The following CDKAL1 variants were observed in gnomAD, a reference collection of about 807,000 sequenced individuals.
The protein encoded by CDKAL1 is CDKAL1 threonylcarbamoyladenosine tRNA methylthiotransferase.
Under a neutral mutation model 68.2 loss-of-function variants are expected in CDKAL1, and 32 were observed. The ratio of observed to expected loss-of-function variants is 0.47; its 90% CI spans 0.35 to 0.63. CDKAL1 has a LOEUF of 0.63. Among genes scored for constraint, CDKAL1 ranks in the 30% least tolerant of loss-of-function variants. The pLI is 0.00. For missense variants in CDKAL1, 606 were observed against 696.7 expected (o/e 0.87, Z 1.47); for synonymous variants, 234 against 244.3 (o/e 0.96, Z 0.39).
chr6:21,224,659 C>A (rs1442541810), intron 15 of CDKAL1, among the ~76,000 whole-genome samples: 2 of 152,172 alleles, frequency 1.3e-5, no homozygotes, highest in African/African-American at 4.8e-5. Context: ...TCCCTGGAGC[C>A]TCCAGAAGAA....
chr6:20,535,816 T>A (rs1763144779), intron 2 of CDKAL1, among the ~76,000 whole-genome samples: 1 of 152,204 alleles, frequency 6.6e-6, no homozygotes, highest in South Asian at 2.1e-4. Flanking sequence ...AACAGTTATT[T>A]GTCTTTTTGA....
At chr6:20,880,215 A>C (rs993276211) in intron 9 of CDKAL1, among the ~76,000 whole-genome samples, 1 of 152,010 alleles carries the variant, frequency 6.6e-6, no homozygotes, top group Non-Finnish European at 1.5e-5. Context: ...TAAGCTCTAC[A>C]TAGCTGGTAT....
chr6:20,773,410 G>T (rs1327175603), intron 7 of CDKAL1, among the ~76,000 whole-genome samples: 1 of 152,036 alleles, frequency 6.6e-6, no homozygotes. Flanking sequence ...CACTTAAAGT[G>T]GTAACTATGG....
intron 4 of CDKAL1, among the ~76,000 whole-genome samples, chr6:20,637,571 C>A (rs1356388130): frequency 6.6e-6 from 1 of 151,934 alleles, no homozygotes; most frequent in Non-Finnish European, 1.5e-5. Context: ...TCAACAACAA[C>A]AAAAAAGAAA....
intron 9 of CDKAL1, among the ~76,000 whole-genome samples, chr6:20,905,857 G>A (rs188509821): frequency 4.0e-5 from 6 of 148,608 alleles, no homozygotes; most frequent in Admixed American, 3.4e-4. Context: ...TAACGAAACT[G>A]TTCTTCATGA....
chr6:21,023,297 G>A (rs562424436), intron 11 of CDKAL1, among the ~76,000 whole-genome samples: 286 of 152,228 alleles, frequency 1.9e-3, no homozygotes, highest in Non-Finnish European at 3.2e-3. Context: ...TGTTTCAGCA[G>A]GTCAGATTTA....
intron 9 of CDKAL1, among the ~76,000 whole-genome samples, chr6:20,888,158 A>G (rs1395796357): frequency 6.6e-6 from 1 of 150,952 alleles, no homozygotes; most frequent in Non-Finnish European, 1.5e-5. Context: ...CTGGTGTGTG[A>G]TGTTCCCAGC....
chr6:20,931,420 G>A (rs893587789), intron 9 of CDKAL1, among the ~76,000 whole-genome samples: 4 of 152,104 alleles, frequency 2.6e-5, no homozygotes, highest in Admixed American at 1.3e-4. Context: ...TGTCCTCATC[G>A]TCATTGCCTG....
intron 7 of CDKAL1, among the ~76,000 whole-genome samples, chr6:20,760,000 A>G (rs1205846269): frequency 6.6e-6 from 1 of 152,126 alleles, no homozygotes; most frequent in Non-Finnish European, 1.5e-5. Flanking sequence ...GGTGTCTACT[A>G]CTTTCCACAT....
intron 8 of CDKAL1, among the ~76,000 whole-genome samples, chr6:20,811,406 C>G (rs1465942460): frequency 1.3e-5 from 2 of 152,216 alleles, no homozygotes; most frequent in South Asian, 2.1e-4. Flanking sequence ...AATGTTAACC[C>G]TTTACTCACC....
chr6:21,114,247 C>CAAA (rs55859447), intron 13 of CDKAL1, among the ~76,000 whole-genome samples: 6 of 101,670 alleles, frequency 5.9e-5, no homozygotes, highest in Non-Finnish European at 8.4e-5. Flanking sequence ...GACTCTGTCT[C>CAAA]AAAAAAAAAA....
intron 10 of CDKAL1, among the ~76,000 whole-genome samples, chr6:20,977,652 C>T (rs922285477): frequency 6.6e-6 from 1 of 152,124 alleles, no homozygotes; most frequent in African/African-American, 2.4e-5. Context: ...CCAAGGTGGG[C>T]GGATCCCTTG....
intron 10 of CDKAL1, among the ~76,000 whole-genome samples, chr6:20,988,140 A>G (rs1766576948): frequency 6.6e-6 from 1 of 150,714 alleles, no homozygotes; most frequent in African/African-American, 2.4e-5. Flanking sequence ...TAACATGAGA[A>G]TGCATCAGTG....
intron 12 of CDKAL1, among the ~76,000 whole-genome samples, chr6:21,070,544 T>C (rs1451032082): frequency 6.6e-6 from 1 of 152,108 alleles, no homozygotes; most frequent in African/African-American, 2.4e-5. Flanking sequence ...AGAGTACTTT[T>C]CTTTGTATTT....
At chr6:20,594,628 T>C (rs1765740860) in intron 4 of CDKAL1, among the ~76,000 whole-genome samples, 1 of 152,196 alleles carries the variant, frequency 6.6e-6, no homozygotes, top group Non-Finnish European at 1.5e-5. Context: ...CTTGACTCTT[T>C]ATCCAATTTG....
intron 6 of CDKAL1, among the ~76,000 whole-genome samples, chr6:20,740,005 TACC>T (rs1309987010): frequency 6.6e-6 from 1 of 152,168 alleles, no homozygotes; most frequent in East Asian, 1.9e-4. Context: ...CCCTTATACC[TACC>T]ACCACAAGTC....
At chr6:20,699,177 G>A (rs1771235369) in intron 5 of CDKAL1, among the ~76,000 whole-genome samples, 1 of 151,982 alleles carries the variant, frequency 6.6e-6, no homozygotes, top group Non-Finnish European at 1.5e-5. Flanking sequence ...TCACCTGAAT[G>A]GTTTATCCCT....
intron 8 of CDKAL1, among the ~76,000 whole-genome samples, chr6:20,821,051 A>G (rs1377997091): frequency 6.6e-6 from 1 of 152,062 alleles, no homozygotes; most frequent in African/African-American, 2.4e-5. Flanking sequence ...AGAGGGTCTC[A>G]GCGAAGCAAA....
intron 13 of CDKAL1, among the ~76,000 whole-genome samples, chr6:21,114,590 C>T (rs1442767129): frequency 1.3e-5 from 2 of 151,766 alleles, no homozygotes; most frequent in African/African-American, 2.4e-5. Flanking sequence ...AAAAATTAGC[C>T]AGGTGTGGTG....
Sources: gnomAD v4.1 joint callset for allele counts (sites outside exome capture counted in the v4.1 genomes callset) on GRCh38, gnomAD v4.1.1 for gene constraint, MANE v1.5 for transcripts, NCBI Gene and HGNC (gene_info 2026-07-23, HGNC 2026-07-21) for gene names.